GRIN3A: variants seen among roughly 807,000 people sequenced by gnomAD.
GRIN3A encodes the protein glutamate receptor ionotropic, NMDA 3A.
Under a neutral mutation model 92.4 loss-of-function variants are expected in GRIN3A, and 47 were observed. That is an observed-to-expected ratio of 0.51 (90% CI 0.40 to 0.65). The LOEUF is 0.65. GRIN3A is among the 30% of genes least tolerant of loss of function. The pLI is 0.00. For missense variants in GRIN3A, 1,324 were observed against 1,393.1 expected (o/e 0.95, Z 0.79); for synonymous variants, 527 against 540.6 (o/e 0.97, Z 0.35).
chr9:101,704,807 A>G (rs1829792964), intron 1 of GRIN3A, among the ~76,000 whole-genome samples: 2 of 152,130 alleles, frequency 1.3e-5, no homozygotes, highest in Admixed American at 1.3e-4. Flanking sequence ...TTAATTTAAG[A>G]TATTTTAATT....
chr9:101,659,424 T>C (rs1829140144), intron 3 of GRIN3A, among the ~76,000 whole-genome samples: 1 of 135,030 alleles, frequency 7.4e-6, no homozygotes. Context: ...AAAGTATCTA[T>C]GTATTTATTT....
At chr9:101,663,819 T>C (rs895702834) in intron 3 of GRIN3A, among the ~76,000 whole-genome samples, 2 of 151,728 alleles carry the variant, frequency 1.3e-5, no homozygotes, top group Non-Finnish European at 2.9e-5. Flanking sequence ...TGTACAACAA[T>C]GATACTAGCT....
intron 1 of GRIN3A, among the ~76,000 whole-genome samples, chr9:101,704,984 C>A (rs191041798): frequency 6.6e-6 from 1 of 151,956 alleles, no homozygotes; most frequent in African/African-American, 2.4e-5. Flanking sequence ...AAAAGGGAGG[C>A]AGATATTAAT....
intron 6 of GRIN3A, among the ~76,000 whole-genome samples, chr9:101,587,515 G>C (rs1057138963): frequency 1.3e-5 from 2 of 152,072 alleles, no homozygotes; most frequent in Non-Finnish European, 2.9e-5. Flanking sequence ...TGTTGCTTTT[G>C]CCTGTCTCCA....
At chr9:101,723,421 T>C (rs1348435888) in intron 1 of GRIN3A, among the ~76,000 whole-genome samples, 2 of 152,028 alleles carry the variant, frequency 1.3e-5, no homozygotes, top group African/African-American at 4.8e-5. Context: ...CAGACCTTCG[T>C]GGTGAGTGTT....
chr9:101,660,251 A>C (rs1829155970), intron 3 of GRIN3A, among the ~76,000 whole-genome samples: 1 of 151,836 alleles, frequency 6.6e-6, no homozygotes, highest in Admixed American at 6.6e-5. Context: ...TCATGGTCTT[A>C]GGTGTTATTT....
chr9:101,689,307 G>A lies in GRIN3A; in HGVS notation c.700-2107C>T, dbSNP rs532174990. ...ATCATTCTCCTGCACCATAACCTCC[G>A]AATCACCCATAGGACAGATTTAAAA... On this transcript the variant is annotated intron_variant, in intron 1 of 8. Coordinates refer to ENST00000361820, the MANE Select transcript of GRIN3A (RefSeq NM_133445.3). 3.9e-5 allele frequency among the ~76,000 whole-genome samples: 6 copies of A among 152,158 alleles called. 1 individual carries two copies. The highest frequency in any genetic ancestry group is 4.2e-4 in the South Asian group (2 of 4,812).
At chr9:101,596,612 G>A (rs527998260) in intron 6 of GRIN3A, among the ~76,000 whole-genome samples, 1 of 152,236 alleles carries the variant, frequency 6.6e-6, no homozygotes, top group South Asian at 2.1e-4. Context: ...GAAACCTCAG[G>A]GGCAAGGACA....
At chr9:101,705,049 G>A (rs953122224) in intron 1 of GRIN3A, among the ~76,000 whole-genome samples, 1 of 152,092 alleles carries the variant, frequency 6.6e-6, no homozygotes, top group Non-Finnish European at 1.5e-5. Flanking sequence ...GTAGAGAAGG[G>A]CTAGGTCCCT....
intron 1 of GRIN3A, among the ~76,000 whole-genome samples, chr9:101,708,992 A>G (rs981627162): frequency 1.3e-5 from 2 of 152,240 alleles, no homozygotes; most frequent in Non-Finnish European, 1.5e-5. Context: ...AAATGATAGT[A>G]ACACACAGGC....
intron 3 of GRIN3A, among the ~76,000 whole-genome samples, chr9:101,630,637 T>G (rs914415975): frequency 6.6e-6 from 1 of 152,192 alleles, no homozygotes; most frequent in Admixed American, 6.5e-5. Context: ...ACTGACTCCC[T>G]CTGTCTGGAT....
Position 101,670,775 on chromosome 9 carries a change from G to T in GRIN3A, c.1637C>A (p.Pro546His), listed in dbSNP as rs758777062. ...CAATGTGGAAGAGTCATTAGTCATG[G>T]GGTCTAGACAGAGTTGGCCAGCAGG... Reference protein sequence around the residue: ...LCPAGQLCLDPMTNDSSTLDS... With the variant: ...LCPAGQLCLDHMTNDSSTLDS... The change falls in exon 3 of 9, where the codon CCC becomes CAC. Residue 546 changes from proline (P) to histidine (H), a missense_variant. By Grantham distance (77) the Pro-to-His change is moderately conservative. Coordinates refer to ENST00000361820, the MANE Select transcript of GRIN3A (RefSeq NM_133445.3). 6 of 1,613,902 alleles carry T rather than the reference G, an allele frequency of 3.7e-6. No homozygotes were observed. In the Admixed American group the frequency reaches 5.0e-5, roughly 13 times the overall value.
chr9:101,601,952 G>A (rs1197219815), intron 6 of GRIN3A, among the ~76,000 whole-genome samples: 2 of 152,046 alleles, frequency 1.3e-5, no homozygotes, highest in African/African-American at 4.8e-5. Flanking sequence ...TTTTTTGGGG[G>A]ACACAATCCA....
chr9:101,578,782 G>A (rs1312887142), intron 7 of GRIN3A, among the ~76,000 whole-genome samples: 1 of 152,128 alleles, frequency 6.6e-6, no homozygotes, highest in Non-Finnish European at 1.5e-5. Context: ...TCTGGACCAG[G>A]GAAAAAGCAG....
intron 6 of GRIN3A, among the ~76,000 whole-genome samples, chr9:101,607,287 T>C (rs1588245653): frequency 6.6e-6 from 1 of 151,784 alleles, no homozygotes; most frequent in East Asian, 1.9e-4. Context: ...CTGCTAGAAA[T>C]GGGGGAAAAA....
At chr9:101,680,851 G>A (rs892319781) in intron 2 of GRIN3A, among the ~76,000 whole-genome samples, 5 of 152,162 alleles carry the variant, frequency 3.3e-5, no homozygotes, top group African/African-American at 1.2e-4. Context: ...ATTCTCAAGG[G>A]ATACAGAACA....
intron 1 of GRIN3A, among the ~76,000 whole-genome samples, chr9:101,729,543 CCTT>C (rs373903347): frequency 6.6e-6 from 1 of 152,272 alleles, no homozygotes; most frequent in Middle Eastern, 3.4e-3. Flanking sequence ...TCTTCTGCCT[CCTT>C]CTTATAAGAA....
intron 3 of GRIN3A, among the ~76,000 whole-genome samples, chr9:101,666,558 G>A (rs1853447): frequency 0.19 from 29,308 of 151,850 alleles, 3,186 homozygotes; most frequent in Non-Finnish European, 0.25. Flanking sequence ...TAATACCTGG[G>A]CAAGGAAATA....
intron 7 of GRIN3A, among the ~76,000 whole-genome samples, chr9:101,578,736 G>A (rs1827856045): frequency 6.6e-6 from 1 of 152,186 alleles, no homozygotes; most frequent in Non-Finnish European, 1.5e-5. Context: ...GCGGCCTTGT[G>A]AAGCTTGGCC....
Sources: gnomAD v4.1 joint callset for allele counts (sites outside exome capture counted in the v4.1 genomes callset) on GRCh38, gnomAD v4.1.1 for gene constraint, MANE v1.5 for transcripts, NCBI Gene and HGNC (gene_info 2026-07-23, HGNC 2026-07-21) for gene names.